The following ARHGAP40 variants were observed in gnomAD, a reference collection of about 807,000 sequenced individuals.
ARHGAP40 encodes the protein Rho GTPase activating protein 40.
A neutral mutation model predicts 73.5 loss-of-function variants in ARHGAP40; 43 were observed. That is an observed-to-expected ratio of 0.58 (90% CI 0.46 to 0.75). ARHGAP40 has a LOEUF of 0.75. ARHGAP40 is among the 30% of genes least tolerant of loss of function. The pLI is 0.00. For synonymous variants in ARHGAP40, 300 were observed against 352.8 expected, an observed-to-expected ratio of 0.85 and a Z score of 1.68; for missense variants, 734 against 861.8, an observed-to-expected ratio of 0.85 and a Z score of 1.86.
chr20:38,610,222 AT>A (rs1313769991), intron 1 of ARHGAP40, among the ~76,000 whole-genome samples: 1 of 152,152 alleles, frequency 6.6e-6, no homozygotes, highest in East Asian at 1.9e-4. Context: ...CTTACATAAG[AT>A]TTTAAAAAGC....
chr20:38,630,009 GT>G (rs1213144104), intron 5 of ARHGAP40, among the ~76,000 whole-genome samples: 1 of 151,808 alleles, frequency 6.6e-6, no homozygotes. Context: ...TTTTAGTTCT[GT>G]TCTTTCCTCC....
intron 6 of ARHGAP40, among the ~76,000 whole-genome samples, chr20:38,636,834 T>C (rs1468899763): frequency 6.6e-6 from 1 of 152,148 alleles, no homozygotes; most frequent in Admixed American, 6.5e-5. Context: ...TGTGATTTTT[T>C]GGTTTGTTTT....
chr20:38,638,193 T>A (rs1024663232), intron 7 of ARHGAP40, among the ~76,000 whole-genome samples: 1 of 150,498 alleles, frequency 6.6e-6, no homozygotes, highest in African/African-American at 2.4e-5. Flanking sequence ...CGGGCACCTG[T>A]AGTCCCAGCT....
chr20:38,615,631 C>T (rs979503976), intron 1 of ARHGAP40, among the ~76,000 whole-genome samples: 7 of 152,122 alleles, frequency 4.6e-5, no homozygotes, highest in African/African-American at 7.2e-5. Flanking sequence ...GACTCAGAAC[C>T]GGATGTGTCT....
chr20:38,644,635 CACCT>C (rs2089040430), intron 11 of ARHGAP40, among the ~76,000 whole-genome samples: 1 of 146,466 alleles, frequency 6.8e-6, no homozygotes, highest in Non-Finnish European at 1.5e-5. Flanking sequence ...CTCACCCACC[CACCT>C]ATCCCCCCCA....
rs2089050319 is a variant in ARHGAP40 at position 38,646,035 on chromosome 20, C to CT, written c.1570-9dup. On this transcript the variant is annotated splice_polypyrimidine_tract_variant and intron_variant, in intron 11 of 14. Coordinates refer to ENST00000373345, the Ensembl canonical transcript of ARHGAP40. This position sits in a 1 kb window ranked among gnomAD's most constrained non-coding sequence, Gnocchi z 4.5. ...CCTATCCCCCTGCCAAAACTTGATCCTTTCTGGCCAGGTCGCCTCTTTCCT... is the reference window on the plus strand; with the variant it reads ...CCTATCCCCCTGCCAAAACTTGATCCTTTTCTGGCCAGGTCGCCTCTTTCCT... 3 of 1,296,156 alleles carry CT rather than the reference C, an allele frequency of 2.3e-6. No homozygotes were observed. Among genetic ancestry groups the CT allele is most frequent in the Middle Eastern group, 2.1e-4 (1 of 4,652 alleles). 80.3% of individuals were successfully genotyped at this position (1,296,156 alleles called of 1,614,324 possible).
rs2145598821 is a variant in ARHGAP40 at position 38,618,121 on chromosome 20, A to G, written c.138-5238A>G. On this transcript the variant is annotated intron_variant, in intron 1 of 14. Transcript: ENST00000373345. ...TTGACTTTTTTTTTTTTTTTCTGAG[A>G]CGGAGTCTCACATTGTCACCTGGGC... Among the ~76,000 whole-genome samples, 2 of 150,300 alleles carry G rather than the reference A, an allele frequency of 1.3e-5. 1 individual carries two copies. Among genetic ancestry groups the G allele is most frequent in the South Asian group, 4.2e-4 (2 of 4,760 alleles).
intron 1 of ARHGAP40, among the ~76,000 whole-genome samples, chr20:38,603,248 G>C (rs1364595985): frequency 6.6e-6 from 1 of 152,214 alleles, no homozygotes; most frequent in Non-Finnish European, 1.5e-5. Context: ...TCTAGGCTCA[G>C]GAAAGGGAGG....
In ARHGAP40 at chr20:38,646,028, C is replaced by T; in HGVS notation, c.1570-19C>T. 1 of 1,293,090 alleles carries T rather than the reference C, an allele frequency of 7.7e-7. No individual in the cohort carries two copies. Among genetic ancestry groups the T allele is most frequent in the Non-Finnish European group, 1.0e-6 (1 of 981,720 alleles). 80.1% of individuals were successfully genotyped at this position (1,293,090 alleles called of 1,614,324 possible). A position where few individuals can be genotyped will look rare whatever the true frequency, so the allele number is the denominator to read the frequency against. On this transcript the variant is annotated intron_variant, in intron 11 of 14. Transcript: ENST00000373345. This position sits in a 1 kb window ranked among gnomAD's most constrained non-coding sequence, Gnocchi z 4.5. The stretch of plus-strand genomic sequence containing the variant: ...CAGAAGTCCTATCCCCCTGCCAAAA[C>T]TTGATCCTTTCTGGCCAGGTCGCCT...
chr20:38,644,106 C>T (rs1850319161), intron 11 of ARHGAP40, among the ~76,000 whole-genome samples, 196 bp downstream of exon 11: 1 of 152,172 alleles, frequency 6.6e-6, no homozygotes, highest in South Asian at 2.1e-4. Flanking sequence ...TTTCTGTCTC[C>T]ACTGCCATGC....
rs759599206 is a variant in ARHGAP40 at position 38,626,981 on chromosome 20, A to G, written c.338-14A>G. 80 of 1,302,342 alleles carry G rather than the reference A, an allele frequency of 6.1e-5. No homozygotes were observed. Among genetic ancestry groups the G allele is most frequent in the Non-Finnish European group, 7.8e-5 (77 of 988,034 alleles). The allele number at this position is 1,302,342 out of a possible 1,614,324, so 80.7% of individuals were successfully genotyped here. ...AGCTGTGTGTGTTCATCTGGGTTCT[A>G]CTTCTGTTGGCAGAAGGGGAAGCTG... On this transcript the variant is annotated splice_polypyrimidine_tract_variant and intron_variant, in intron 2 of 14. Transcript: ENST00000373345.
intron 10 of ARHGAP40, among the ~76,000 whole-genome samples, chr20:38,642,726 A>C (rs185911592): frequency 0.061 from 2,662 of 43,494 alleles, 34 homozygotes; most frequent in Middle Eastern, 0.24. Flanking sequence ...CCATCCATCC[A>C]TCCTTCCATC....
chr20:38,614,464 C>T (rs180950667), intron 1 of ARHGAP40, among the ~76,000 whole-genome samples: 26 of 152,108 alleles, frequency 1.7e-4, no homozygotes, highest in Non-Finnish European at 3.2e-4. Flanking sequence ...TCTCTGTGAC[C>T]CATCTCTATA....
intron 1 of ARHGAP40, among the ~76,000 whole-genome samples, chr20:38,618,423 TA>T (rs913174551): frequency 6.6e-6 from 1 of 152,218 alleles, no homozygotes; most frequent in Non-Finnish European, 1.5e-5. Flanking sequence ...TCTTGACTTC[TA>T]AATTTACAAA....
chr20:38,642,035 G>A (rs945252679), intron 10 of ARHGAP40, among the ~76,000 whole-genome samples: 3 of 152,136 alleles, frequency 2.0e-5, no homozygotes, highest in African/African-American at 7.2e-5. Context: ...AGTTCCACGT[G>A]GTGCTAACAG....
At chr20:38,612,694 G>C (rs1258329982) in intron 1 of ARHGAP40, among the ~76,000 whole-genome samples, 1 of 151,642 alleles carries the variant, frequency 6.6e-6, no homozygotes, top group Non-Finnish European at 1.5e-5. Flanking sequence ...GAAAAGAAAA[G>C]AGATAAGAAA....
At position 38,634,673 on chromosome 20, in the gene ARHGAP40, C is replaced by T. The variant is rs367815179; in HGVS notation, c.837C>T (p.Ser279=). ...GCGTGACGAGGATAGGAGACTTGTCCCTGCAGGATATGAGGAAGGTACCTT... is the reference window on the plus strand; with the variant it reads ...GCGTGACGAGGATAGGAGACTTGTCTCTGCAGGATATGAGGAAGGTACCTT... Residue 279 remains serine (S), a synonymous_variant, in exon 6 of 15, where the codon TCC becomes TCT. Coordinates refer to ENST00000373345, the Ensembl canonical transcript of ARHGAP40. The T allele has an allele frequency of 4.7e-5, 61 of 1,305,374 alleles. 1 individual carries two copies. In the African/African-American group the frequency reaches 8.8e-4, roughly 19 times the overall value. The allele number at this position is 1,305,374 out of a possible 1,614,324, so 80.9% of individuals were successfully genotyped here.
rs80300923 is a variant in ARHGAP40, at chr20:38,618,919, G to A, written c.138-4440G>A. 2.4e-3 allele frequency among the ~76,000 whole-genome samples: 361 copies of A among 152,252 alleles called. 1 individual carries two copies. Among genetic ancestry groups the A allele is most frequent in the African/African-American group, 7.8e-3 (326 of 41,546 alleles). ...ACATAGGCCCCACCTCCCCATGGGA[G>A]GACTGTAAAAGAATTTTGGGACCAT... On this transcript the variant is annotated intron_variant, in intron 1 of 14. Transcript: ENST00000373345.
At chr20:38,637,312 AT>A (rs2088981235) in intron 6 of ARHGAP40, among the ~76,000 whole-genome samples, 1 of 151,804 alleles carries the variant, frequency 6.6e-6, no homozygotes, top group East Asian at 1.9e-4. Flanking sequence ...CACTCAGCTA[AT>A]TTTTTGTGTG....
Sources: allele counts gnomAD v4.1 joint callset (sites outside exome capture counted in the v4.1 genomes callset), GRCh38; gene constraint gnomAD v4.1.1; non-coding constraint Gnocchi (gnomAD v3.1); transcripts MANE v1.5; gene names NCBI Gene and HGNC (gene_info 2026-07-23, HGNC 2026-07-21).